The following BACH2 variants were observed in gnomAD, a reference collection of about 807,000 sequenced individuals.
The protein encoded by BACH2 is BACH transcriptional regulator 2, also known as transcription regulator protein BACH2.
Under a neutral mutation model 61.8 loss-of-function variants are expected in BACH2, and 5 were observed. The observed-to-expected ratio is 0.08, with a 90% CI of 0.04 to 0.17. The LOEUF is 0.17. Ranked by LOEUF, BACH2 falls within the 10% of genes least tolerant of loss-of-function variation. The pLI, the probability that BACH2 is intolerant of heterozygous loss-of-function variation, is 1.00. For missense variants in BACH2, 824 were observed against 1,091.1 expected (o/e 0.76, Z 3.45); for synonymous variants, 446 against 440.1 (o/e 1.01, Z -0.17).
chr6:90,086,371 C>T (rs926777207), intron 5 of BACH2, among the ~76,000 whole-genome samples: 1 of 152,128 alleles, frequency 6.6e-6, no homozygotes, highest in African/African-American at 2.4e-5. Flanking sequence ...ATTGCTGGAT[C>T]ACTTGGTAAT....
intron 7 of BACH2, among the ~76,000 whole-genome samples, chr6:89,940,008 A>G (rs896529875): frequency 6.6e-6 from 1 of 150,436 alleles, no homozygotes. Flanking sequence ...GGCCTGAAAT[A>G]TTTCTTTTCT....
intron 6 of BACH2, among the ~76,000 whole-genome samples, chr6:89,965,823 C>T (rs1775019292): frequency 6.6e-6 from 1 of 152,180 alleles, no homozygotes. Flanking sequence ...GCTTGACACA[C>T]CACTAATCCT....
intron 2 of BACH2, among the ~76,000 whole-genome samples, chr6:90,269,546 G>A (rs1220414983): frequency 6.6e-6 from 1 of 152,202 alleles, no homozygotes; most frequent in African/African-American, 2.4e-5. Context: ...TCACAGCTGT[G>A]ACACTGAAAT....
At chr6:90,080,671 C>A in intron 5 of BACH2, 1 of 817,790 alleles carries the variant, frequency 1.2e-6, no homozygotes, top group Non-Finnish European at 1.5e-6. Context: ...ATGCAGGTAA[C>A]AATTAATATT....
intron 4 of BACH2, among the ~76,000 whole-genome samples, chr6:90,096,504 G>T (rs1782386211): frequency 6.6e-6 from 1 of 152,212 alleles, no homozygotes; most frequent in African/African-American, 2.4e-5. Flanking sequence ...CACAGCAGCA[G>T]GGACCTAGCT....
chr6:90,191,792 C>T (rs1269374298), intron 4 of BACH2, among the ~76,000 whole-genome samples: 1 of 152,138 alleles, frequency 6.6e-6, no homozygotes, highest in Non-Finnish European at 1.5e-5. Flanking sequence ...AATGGTAATA[C>T]TTAAAATAAT....
intron 4 of BACH2, among the ~76,000 whole-genome samples, chr6:90,142,071 ACT>A (rs1480522915): frequency 1.3e-5 from 2 of 152,076 alleles, no homozygotes; most frequent in Non-Finnish European, 2.9e-5. Context: ...ACAGAACTAG[ACT>A]CTGTCTCAAA....
intron 3 of BACH2, among the ~76,000 whole-genome samples, chr6:90,239,960 T>C (rs1292704966): frequency 6.6e-6 from 1 of 151,582 alleles, no homozygotes; most frequent in Non-Finnish European, 1.5e-5. Flanking sequence ...GAACCACCAC[T>C]ATTTTAGACT....
intron 4 of BACH2, among the ~76,000 whole-genome samples, chr6:90,137,060 TA>T (rs542710279): frequency 4.0e-4 from 60 of 150,364 alleles, no homozygotes; most frequent in African/African-American, 1.3e-3. Flanking sequence ...TGCACATACA[TA>T]AAAAAAAATG....
At chr6:90,279,344 G>A (rs1397204293) in intron 1 of BACH2, among the ~76,000 whole-genome samples, 1 of 151,818 alleles carries the variant, frequency 6.6e-6, no homozygotes, top group East Asian at 1.9e-4. Context: ...CCAACATAGG[G>A]AAACCCCGTC....
intron 6 of BACH2, among the ~76,000 whole-genome samples, chr6:89,975,790 G>A (rs970976240): frequency 3.9e-5 from 6 of 152,178 alleles, no homozygotes; most frequent in Admixed American, 6.5e-5. Flanking sequence ...TTTTGTTCTC[G>A]TTTTGGATCT....
At chr6:90,179,253 T>C (rs527757384) in intron 4 of BACH2, among the ~76,000 whole-genome samples, 3 of 151,928 alleles carry the variant, frequency 2.0e-5, no homozygotes, top group Non-Finnish European at 2.9e-5. Flanking sequence ...ACTAATGAAA[T>C]GTATCCATCT....
At chr6:90,279,069 A>G (rs1466577044) in intron 1 of BACH2, among the ~76,000 whole-genome samples, 1 of 152,234 alleles carries the variant, frequency 6.6e-6, no homozygotes, top group Non-Finnish European at 1.5e-5. Flanking sequence ...ACCACATTTC[A>G]TATGCTCAAA....
intron 4 of BACH2, among the ~76,000 whole-genome samples, chr6:90,129,478 G>A (rs190928011): frequency 1.3e-5 from 2 of 151,932 alleles, no homozygotes; most frequent in East Asian, 1.9e-4. Context: ...GGTGTGTGTT[G>A]TTCCCCTCTC....
rs554872637 is a variant in BACH2, at chr6:89,945,116, T to C, written c.1836+5154A>G. Among the ~76,000 whole-genome samples the C allele has an allele frequency of 8.5e-5, 13 of 152,288 alleles. No individual in the cohort carries two copies. The East Asian group carries it at 2.1e-3, about 25-fold the overall frequency. On this transcript the variant is annotated intron_variant, in intron 7 of 8. Coordinates refer to ENST00000257749, the MANE Select transcript of BACH2 (RefSeq NM_021813.4). The stretch of plus-strand genomic sequence containing the variant: ...GCCACTTTGGAAACAGTCTAGTAGC[T>C]CCTCAAAAGGTTAAATACAAAGTTA...
At chr6:90,030,956 G>T (rs9444733) in intron 5 of BACH2, among the ~76,000 whole-genome samples, 13,247 of 85,392 alleles carry the variant, frequency 0.16, 2,062 homozygotes, top group East Asian at 0.48. Flanking sequence ...AAATCCTCAA[G>T]AAAATACTGG....
At chr6:90,071,126 C>T (rs1050272105) in intron 5 of BACH2, among the ~76,000 whole-genome samples, 1 of 152,220 alleles carries the variant, frequency 6.6e-6, no homozygotes, top group South Asian at 2.1e-4. Context: ...ATTGGAATTA[C>T]AGGCAAGAGC....
rs78252728 is a variant in BACH2 at position 89,997,554 on chromosome 6, T to C, written c.243+11048A>G. 3.0e-3 allele frequency among the ~76,000 whole-genome samples: 457 copies of C among 152,294 alleles called. 16 individuals carry two copies. The East Asian group carries it at 0.08, about 27-fold the overall frequency. Reference sequence around the variant, plus strand: ...AAGGCATTCAGTGGGAAACAAACAGTGCACACATCAGAACGCCTCTCATGG... The same window carrying C: ...AAGGCATTCAGTGGGAAACAAACAGCGCACACATCAGAACGCCTCTCATGG... On this transcript the variant is annotated intron_variant, in intron 6 of 8. Transcript: ENST00000257749.
At chr6:90,066,366 G>A (rs1223414722) in intron 5 of BACH2, among the ~76,000 whole-genome samples, 1 of 152,192 alleles carries the variant, frequency 6.6e-6, no homozygotes, top group Non-Finnish European at 1.5e-5. Context: ...GTCATGGGGT[G>A]GGGGTGATGA....
Sources: allele counts gnomAD v4.1 joint callset (sites outside exome capture counted in the v4.1 genomes callset), GRCh38; gene constraint gnomAD v4.1.1; transcripts MANE v1.5; gene names NCBI Gene and HGNC (gene_info 2026-07-23, HGNC 2026-07-21).